Variants in RNF115 observed in about 807,000 individuals in gnomAD.
The protein encoded by RNF115 is E3 ubiquitin-protein ligase RNF115.
In RNF115, 31 loss-of-function variants were observed where a neutral mutation model predicts 39.2. That is an observed-to-expected ratio of 0.79 (90% CI 0.59 to 1.07). The LOEUF is 1.07. RNF115 is among the 50% of genes least tolerant of loss of function. RNF115 has a pLI of 0.00. For missense variants in RNF115, 384 were observed against 381.7 expected (o/e 1.01, Z -0.05); for synonymous variants, 124 against 131.0 (o/e 0.95, Z 0.37).
chr1:145,748,668 G>A (rs1390549265), intron 7 of RNF115, among the ~76,000 whole-genome samples: 5 of 152,052 alleles, frequency 3.3e-5, no homozygotes, highest in African/African-American at 9.7e-5. Context: ...GGTGGATCAC[G>A]AGGTCAGGAG....
At chr1:145,755,791 G>A (rs1341862687) in intron 4 of RNF115, among the ~76,000 whole-genome samples, 8 of 151,934 alleles carry the variant, frequency 5.3e-5, no homozygotes, top group Non-Finnish European at 1.0e-4. Flanking sequence ...ATTAAGAAAA[G>A]GCAGAAAAAA....
intron 2 of RNF115, 39 bp from the exon 3 acceptor site, chr1:145,784,635 G>T (rs781799982): frequency 1.9e-6 from 3 of 1,585,382 alleles, no homozygotes; most frequent in Non-Finnish European, 2.6e-6. Context: ...CTATTCCCAG[G>T]AACAAGCTCC....
intron 1 of RNF115, among the ~76,000 whole-genome samples, chr1:145,805,855 T>A (rs1553721511): frequency 6.6e-6 from 1 of 151,906 alleles, no homozygotes; most frequent in Non-Finnish European, 1.5e-5. Flanking sequence ...AATAAAACAT[T>A]TTTTCCCACA....
chr1:145,777,547 A>C (rs913508475), intron 3 of RNF115, among the ~76,000 whole-genome samples: 1 of 152,180 alleles, frequency 6.6e-6, no homozygotes, highest in Non-Finnish European at 1.5e-5. Flanking sequence ...TTTATACCAA[A>C]TCAGCACTAA....
chr1:145,742,562 G>A lies in RNF115; in HGVS notation c.*4304C>T, dbSNP rs1553711117. 6.6e-6 allele frequency: 1 copy of A among 152,210 alleles called. No homozygotes were observed. 9.4% of individuals were successfully genotyped at this position (152,210 alleles called of 1,614,324 possible). On this transcript the variant is annotated 3_prime_UTR_variant, in exon 9 of 9. Coordinates refer to ENST00000582693, the MANE Select transcript of RNF115 (RefSeq NM_014455.4). Reference sequence around the variant, plus strand: ...AAAGACCCTAAAGGTTATGTACAATGAGAGAATCAGACTGTGAGGCTCCAG... The same window carrying A: ...AAAGACCCTAAAGGTTATGTACAATAAGAGAATCAGACTGTGAGGCTCCAG...
intron 1 of RNF115, among the ~76,000 whole-genome samples, chr1:145,801,510 A>C (rs1553720900): frequency 6.6e-6 from 1 of 152,198 alleles, no homozygotes; most frequent in Non-Finnish European, 1.5e-5. Context: ...GGTTGCAGTG[A>C]GTGAAAGAGT....
intron 3 of RNF115, chr1:145,773,340 G>A (rs79539785): frequency 3.3e-5 from 5 of 151,920 alleles, no homozygotes; most frequent in Non-Finnish European, 5.9e-5. Flanking sequence ...AAAAATAGAT[G>A]GGTACAGTGG....
At chr1:145,814,892 A>C (rs1649911167) in intron 1 of RNF115, among the ~76,000 whole-genome samples, 1 of 152,186 alleles carries the variant, frequency 6.6e-6, no homozygotes. Flanking sequence ...GTACCACTGT[A>C]GCCTTTTAAA....
chr1:145,749,300 C>T (rs1657992545), intron 7 of RNF115, among the ~76,000 whole-genome samples: 1 of 152,142 alleles, frequency 6.6e-6, no homozygotes, highest in Admixed American at 6.5e-5. Context: ...TCCCAAATTC[C>T]ACGGTCTTAA....
chr1:145,774,300 A>ATTTT (rs35937477), intron 3 of RNF115, among the ~76,000 whole-genome samples: 1 of 139,176 alleles, frequency 7.2e-6, no homozygotes, highest in African/African-American at 2.7e-5. Context: ...TTCCCCCAAC[A>ATTTT]TTTTTTTTTT....
intron 1 of RNF115, among the ~76,000 whole-genome samples, chr1:145,802,329 A>G (rs896629123): frequency 6.6e-6 from 1 of 152,210 alleles, no homozygotes. Context: ...GAACAGCCCA[A>G]GAGGACACAA....
chr1:145,795,281 C>T (rs1361969682), intron 1 of RNF115, among the ~76,000 whole-genome samples: 2 of 152,086 alleles, frequency 1.3e-5, no homozygotes, highest in Admixed American at 6.6e-5. Flanking sequence ...AAAAGTAGTG[C>T]AGACCCAAAG....
rs1453751365 is a variant in RNF115, at chr1:145,763,346, A to G, written c.428+8365T>C. 8.5e-5 allele frequency among the ~76,000 whole-genome samples: 13 copies of G among 152,356 alleles called. No homozygotes were observed. The East Asian group carries it at 2.5e-3, about 29-fold the overall frequency. ...AGAGGCTTCCTTTATATAACCAGGAAGGAGACTAAACTACCAAGCTAAAGT... is the reference window on the plus strand; with the variant it reads ...AGAGGCTTCCTTTATATAACCAGGAGGGAGACTAAACTACCAAGCTAAAGT... On this transcript the variant is annotated intron_variant, in intron 4 of 8. Transcript: ENST00000582693.
rs1417172143 is a variant in RNF115, at chr1:145,811,241, G to A, written c.102+12531C>T. On this transcript the variant is annotated intron_variant, in intron 1 of 8. Coordinates refer to ENST00000582693, the MANE Select transcript of RNF115 (RefSeq NM_014455.4). ...AAAGTAAGAGAAAACTGTACTTTGG[G>A]GCAGATGCAGTGGCTCACGTTTGTA... Among the ~76,000 whole-genome samples, 11 of 151,700 alleles carry A rather than the reference G, an allele frequency of 7.3e-5. No individual in the cohort carries two copies. The South Asian group carries it at 2.3e-3, about 32-fold the overall frequency.
At chr1:145,779,462 C>T in intron 3 of RNF115, among the ~76,000 whole-genome samples, 2 of 152,204 alleles carry the variant, frequency 1.3e-5, no homozygotes, top group Non-Finnish European at 2.9e-5. Flanking sequence ...AGGCATGAGC[C>T]ACCACGTCCA....
Position 145,781,128 on chromosome 1 carries a change from C to T in RNF115, c.219+3411G>A, listed in dbSNP as rs1011993595. ...CCTACCTTCTCTCTATCCCATTAGTCTCTTATCTCCTACCCCAGTCTCATT... is the reference window on the plus strand; with the variant it reads ...CCTACCTTCTCTCTATCCCATTAGTTTCTTATCTCCTACCCCAGTCTCATT... On this transcript the variant is annotated intron_variant, in intron 3 of 8. Transcript: ENST00000582693. 2.4e-4 allele frequency among the ~76,000 whole-genome samples: 36 copies of T among 152,144 alleles called. 1 individual carries two copies. Among genetic ancestry groups the T allele is most frequent in the Non-Finnish European group, 4.4e-5 (3 of 68,032 alleles).
rs1657725290 is a variant in RNF115 at position 145,742,701 on chromosome 1, CACATATAT to C, written c.*4157_*4164del. The C allele has an allele frequency of 6.6e-6, 1 of 152,180 alleles. No homozygotes were observed. The highest frequency in any genetic ancestry group is 1.5e-5 in the Non-Finnish European group (1 of 68,036). 9.4% of individuals were successfully genotyped at this position (152,180 alleles called of 1,614,324 possible). ...GTGAATATATAAATATCTCTATTTA[CACATATAT>C]ACATATATAAAAATGTGCAATACAA... On this transcript the variant is annotated 3_prime_UTR_variant, in exon 9 of 9. Transcript: ENST00000582693.
At chr1:145,784,254 G>GTA (rs1648276151) in intron 3 of RNF115, among the ~76,000 whole-genome samples, 1 of 152,150 alleles carries the variant, frequency 6.6e-6, no homozygotes, top group Admixed American at 6.6e-5. Flanking sequence ...TTCTCACACT[G>GTA]TATATACAAT....
chr1:145,780,674 T>G (rs587593586), intron 3 of RNF115, among the ~76,000 whole-genome samples: 24 of 152,094 alleles, frequency 1.6e-4, no homozygotes, highest in African/African-American at 5.5e-4. Context: ...TTTAAATTTT[T>G]TACTGCCACT....
Sources: gnomAD v4.1 joint callset for allele counts (sites outside exome capture counted in the v4.1 genomes callset) on GRCh38, gnomAD v4.1.1 for gene constraint, MANE v1.5 for transcripts, NCBI Gene and HGNC (gene_info 2026-07-23, HGNC 2026-07-21) for gene names.